LRGUK: variants seen among roughly 807,000 people sequenced by gnomAD.
The protein encoded by LRGUK is leucine-rich repeat and guanylate kinase domain-containing protein.
LRGUK carries 65 observed loss-of-function variants against 76.0 expected under a neutral mutation model. That is an observed-to-expected ratio of 0.85 (90% confidence interval 0.70 to 1.05). LRGUK has a LOEUF of 1.05. LRGUK is among the 50% of genes least tolerant of loss of function. LRGUK has a pLI of 0.00. For missense variants in LRGUK, 758 were observed against 732.8 expected, an observed-to-expected ratio of 1.03 and a Z score of -0.40; for synonymous variants, 268 against 265.6, an observed-to-expected ratio of 1.01 and a Z score of -0.09.
At chr7:134,235,594 T>TATC (rs1801994870) in intron 16 of LRGUK, among the ~76,000 whole-genome samples, 1 of 152,206 alleles carries the variant, frequency 6.6e-6, no homozygotes, top group Admixed American at 6.5e-5. Flanking sequence ...GCTATTTGCT[T>TATC]ATCTATTATG....
the LRGUK span, among the ~76,000 whole-genome samples, chr7:134,269,772 G>T: frequency 6.6e-6 from 1 of 152,134 alleles, no homozygotes; most frequent in Non-Finnish European, 1.5e-5. Flanking sequence ...GACCAAGTGG[G>T]ATTTAATCCA....
chr7:134,210,151 G>C (rs2117123513), exon 16 of LRGUK: 1 of 399,228 alleles, frequency 2.5e-6, no homozygotes, highest in African/African-American at 2.1e-5. Context: ...CACCACCTGG[G>C]AACCACCAGC....
chr7:134,239,382 A>ATTT (rs1480614035), intron 16 of LRGUK, among the ~76,000 whole-genome samples: 3 of 152,290 alleles, frequency 2.0e-5, no homozygotes, highest in African/African-American at 7.2e-5. Context: ...GCCTTAGCAA[A>ATTT]TGGCACACCA....
At chr7:134,274,310 T>TA in the LRGUK span, among the ~76,000 whole-genome samples, 1 of 152,192 alleles carries the variant, frequency 6.6e-6, no homozygotes, top group Non-Finnish European at 1.5e-5. Flanking sequence ...TTTTCTTCCT[T>TA]ATAAGTTCTA....
At chr7:134,221,552 T>C (rs1359888739) in intron 15 of LRGUK, among the ~76,000 whole-genome samples, 2 of 152,156 alleles carry the variant, frequency 1.3e-5, no homozygotes, top group African/African-American at 2.4e-5. Flanking sequence ...ATTGATTAAG[T>C]ATTGGGTATA....
intron 7 of LRGUK, among the ~76,000 whole-genome samples, chr7:134,165,478 T>TCAG (rs1318399611): frequency 4.6e-5 from 7 of 152,218 alleles, no homozygotes; most frequent in Admixed American, 1.3e-4. Context: ...CAGTGCTTTC[T>TCAG]CAGCGAAACA....
downstream of LRGUK, among the ~76,000 whole-genome samples, chr7:134,211,420 G>A (rs1313346458): frequency 6.6e-6 from 1 of 152,190 alleles, no homozygotes; most frequent in Non-Finnish European, 1.5e-5. Context: ...GCATTATCGA[G>A]GAGTTCCAAA....
chr7:134,142,385 T>C (rs1057433187), intron 3 of LRGUK, among the ~76,000 whole-genome samples: 9 of 152,346 alleles, frequency 5.9e-5, no homozygotes, highest in Admixed American at 3.9e-4. Flanking sequence ...TCTTTTATCT[T>C]TTATATGTAA....
chr7:134,188,560 G>A (rs1387948155), intron 11 of LRGUK, among the ~76,000 whole-genome samples: 3 of 152,132 alleles, frequency 2.0e-5, no homozygotes, highest in African/African-American at 7.2e-5. Context: ...CTGAAAAGTG[G>A]GCAGAGTAGT....
intron 16 of LRGUK, among the ~76,000 whole-genome samples, chr7:134,225,117 C>A (rs1203110727): frequency 7.9e-5 from 5 of 63,582 alleles, no homozygotes; most frequent in Non-Finnish European, 8.7e-5. Context: ...GACAGGGGAA[C>A]AGAACTGGAA....
chr7:134,172,464 A>T (rs1473057095), intron 7 of LRGUK, among the ~76,000 whole-genome samples: 1 of 152,230 alleles, frequency 6.6e-6, no homozygotes, highest in East Asian at 1.9e-4. Flanking sequence ...TTTACAAAAA[A>T]ATTAGATACA....
At chr7:134,241,117 A>G (rs995723962) in intron 16 of LRGUK, among the ~76,000 whole-genome samples, 1 of 152,212 alleles carries the variant, frequency 6.6e-6, no homozygotes, top group East Asian at 1.9e-4. Flanking sequence ...TGTAAAGACC[A>G]TCGATGCTAG....
chr7:134,180,351 C>T (rs1487696226), intron 10 of LRGUK, among the ~76,000 whole-genome samples: 1 of 151,822 alleles, frequency 6.6e-6, no homozygotes, highest in Non-Finnish European at 1.5e-5. Flanking sequence ...CTATTTGTAC[C>T]TACCTGTATC....
At chr7:134,232,181 C>T (rs1801917039) in intron 16 of LRGUK, among the ~76,000 whole-genome samples, 1 of 152,104 alleles carries the variant, frequency 6.6e-6, no homozygotes, top group African/African-American at 2.4e-5. Flanking sequence ...TATCCCTAGC[C>T]CTCTTACTAC....
At chr7:134,199,791 C>T (rs990554696) in intron 14 of LRGUK, among the ~76,000 whole-genome samples, 1 of 151,050 alleles carries the variant, frequency 6.6e-6, no homozygotes, top group African/African-American at 2.4e-5. Flanking sequence ...AGGTTAAAAA[C>T]CCAACTACTC....
At chr7:134,235,046 G>A (rs966737334) in intron 16 of LRGUK, among the ~76,000 whole-genome samples, 1 of 152,100 alleles carries the variant, frequency 6.6e-6, no homozygotes, top group African/African-American at 2.4e-5. Flanking sequence ...CTAGATCACG[G>A]CAGCCACCTC....
At chr7:134,221,531 T>C (rs1438898766) in intron 15 of LRGUK, among the ~76,000 whole-genome samples, 2 of 152,184 alleles carry the variant, frequency 1.3e-5, no homozygotes, top group Non-Finnish European at 2.9e-5. Context: ...TGATTTTATT[T>C]ATAAGCCTGA....
intron 10 of LRGUK, among the ~76,000 whole-genome samples, 173 bp downstream of exon 10, chr7:134,178,782 A>T (rs73159168): frequency 6.6e-6 from 1 of 151,926 alleles, no homozygotes; most frequent in Non-Finnish European, 1.5e-5. Flanking sequence ...TGTCTCCATT[A>T]TGGTATATTA....
chr7:134,153,233 A>G (rs1300394882), intron 5 of LRGUK, among the ~76,000 whole-genome samples: 4 of 152,144 alleles, frequency 2.6e-5, no homozygotes, highest in South Asian at 2.1e-4. Context: ...CAGTTGAGCT[A>G]GTAATACTGA....
Sources: gnomAD v4.1 joint callset for allele counts (sites outside exome capture counted in the v4.1 genomes callset) on GRCh38, gnomAD v4.1.1 for gene constraint, MANE v1.5 for transcripts, NCBI Gene and HGNC (gene_info 2026-07-23, HGNC 2026-07-21) for gene names.